TMCC3: variants seen among roughly 807,000 people sequenced by gnomAD.
The protein encoded by TMCC3 is transmembrane and coiled-coil domain protein 3.
A neutral mutation model predicts 40.2 loss-of-function variants in TMCC3; 28 were observed. The ratio of observed to expected loss-of-function variants is 0.70; its 90% CI spans 0.52 to 0.95. TMCC3 has a LOEUF of 0.95. Ranked by LOEUF, TMCC3 falls within the 40% of genes least tolerant of loss-of-function variation. The probability of loss-of-function intolerance (pLI) is 0.00; values close to 1 mark genes in which losing one functional copy is unlikely to be tolerated. For synonymous variants in TMCC3, 255 were observed against 248.5 expected (o/e 1.03, Z -0.25); for missense variants, 554 against 615.2 (o/e 0.90, Z 1.05).
rs562457757 is a variant in TMCC3 at position 94,616,441 on chromosome 12, G to A, written c.79-33903C>T. 2.6e-5 allele frequency: 4 copies of A among 152,740 alleles called. No individual in the cohort carries two copies. The South Asian group carries it at 6.2e-4, about 24-fold the overall frequency. The allele number at this position is 152,740 out of a possible 1,614,324, so 9.5% of individuals were successfully genotyped here. ...GCAAAGGGGCCAGCCAGCACCAAGG[G>A]AAGGGAAGTGGCTTAAAGACAGTGA... On this transcript the variant is annotated intron_variant, in intron 1 of 3. Coordinates refer to ENST00000261226, the MANE Select transcript of TMCC3 (RefSeq NM_020698.4).
At chr12:94,648,354 G>A (rs566033543) in intron 1 of TMCC3, among the ~76,000 whole-genome samples, 14 of 152,192 alleles carry the variant, frequency 9.2e-5, no homozygotes, top group African/African-American at 3.1e-4. Context: ...ACCCTCCCGA[G>A]TAGCTGGGAT....
rs191888582 is a variant in TMCC3 at position 94,635,073 on chromosome 12, G to A, written c.78+15280C>T. On this transcript the variant is annotated intron_variant, in intron 1 of 3. Transcript: ENST00000261226. ...GGACCGTTCAATAATTAACACAAGCGCATCTAGTGATATTTAGGAAGGCAC... is the reference window on the plus strand; with the variant it reads ...GGACCGTTCAATAATTAACACAAGCACATCTAGTGATATTTAGGAAGGCAC... 5.2e-3 allele frequency among the ~76,000 whole-genome samples: 792 copies of A among 152,224 alleles called. 8 individuals carry two copies. The highest frequency in any genetic ancestry group is 9.6e-3 in the Non-Finnish European group (650 of 68,020).
intron 1 of TMCC3, among the ~76,000 whole-genome samples, chr12:94,592,673 A>AC (rs2068685720): frequency 6.8e-6 from 1 of 147,250 alleles, no homozygotes; most frequent in African/African-American, 2.5e-5. Flanking sequence ...AAAAAAAAAA[A>AC]AAAAAAAAAA....
intron 1 of TMCC3, chr12:94,613,775 T>A (rs895886099): frequency 1.3e-5 from 2 of 152,080 alleles, no homozygotes; most frequent in Non-Finnish European, 2.9e-5. Flanking sequence ...TTGTATGATA[T>A]TAGTTTACAA....
chr12:94,573,329 C>T (rs2068544669), intron 3 of TMCC3, among the ~76,000 whole-genome samples: 1 of 152,212 alleles, frequency 6.6e-6, no homozygotes, highest in Non-Finnish European at 1.5e-5. Context: ...GATCTCCTGC[C>T]TGCAATAACC....
At chr12:94,625,865 C>T (rs73375894) in intron 1 of TMCC3, among the ~76,000 whole-genome samples, 3,540 of 152,148 alleles carry the variant, frequency 0.023, 119 homozygotes, top group African/African-American at 0.079. Context: ...GTATTTTGTA[C>T]GCATTTGTTT....
rs1400503813 is a variant in TMCC3, at chr12:94,650,215, G to T, written c.78+138C>A. On this transcript the variant is annotated intron_variant, in intron 1 of 3. Transcript: ENST00000261226. ...CCACCCTTTTAGCTCGGAGGATCGG[G>T]GAGGCACGGACCTCCGGCGGCAGCG... 6 of 401,374 alleles carry T rather than the reference G, an allele frequency of 1.5e-5. No individual in the cohort carries two copies. The East Asian group carries it at 2.3e-4, about 16-fold the overall frequency. The allele number at this position is 401,374 out of a possible 1,614,324, so 24.9% of individuals were successfully genotyped here. A position where few individuals can be genotyped will look rare whatever the true frequency, so the allele number is the denominator to read the frequency against.
intron 3 of TMCC3, among the ~76,000 whole-genome samples, chr12:94,572,306 CTTTTTTTTTT>C (rs527894810): frequency 3.4e-4 from 17 of 50,662 alleles, no homozygotes; most frequent in African/African-American, 1.3e-3. Context: ...CCGACTTCAT[CTTTTTTTTTT>C]TTTTTTTTTT....
intron 1 of TMCC3, among the ~76,000 whole-genome samples, chr12:94,594,210 T>C (rs949233649): frequency 5.3e-5 from 6 of 113,534 alleles, no homozygotes; most frequent in Admixed American, 2.9e-4. Context: ...TATATATATA[T>C]ATATATACAC....
At chr12:94,630,328 T>A (rs2068926350) in intron 1 of TMCC3, among the ~76,000 whole-genome samples, 1 of 151,988 alleles carries the variant, frequency 6.6e-6, no homozygotes, top group African/African-American at 2.4e-5. Context: ...CATCATCCCA[T>A]GACCTGACCT....
intron 1 of TMCC3, chr12:94,616,065 T>A: frequency 1.0e-6 from 1 of 985,432 alleles, no homozygotes; most frequent in Non-Finnish European, 1.2e-6. Context: ...ACTTTGGAGA[T>A]ACTGCTCACA....
In TMCC3 at chr12:94,650,492, T is replaced by C. The variant is rs1274524; in HGVS notation, c.-62A>G. 0.36 allele frequency: 430,684 copies of C among 1,198,082 alleles called. 78,443 individuals carry two copies. Among genetic ancestry groups the C allele is most frequent in the Non-Finnish European group, 0.36 (348,185 of 957,664 alleles). The allele number at this position is 1,198,082 out of a possible 1,614,324, so 74.2% of individuals were successfully genotyped here. On this transcript the variant is annotated 5_prime_UTR_variant, in exon 1 of 4. Coordinates refer to ENST00000261226, the MANE Select transcript of TMCC3 (RefSeq NM_020698.4). ...GGCTGCCGCGCCGCGAGCCACCGGC[T>C]GTGCTCGGGATCACCCTGGGAGCCG...
chr12:94,647,758 A>G (rs2069028021), intron 1 of TMCC3, among the ~76,000 whole-genome samples: 1 of 152,256 alleles, frequency 6.6e-6, no homozygotes, highest in African/African-American at 2.4e-5. Flanking sequence ...TCCACAATAC[A>G]GGAGCTACGA....
At position 94,650,485 on chromosome 12, in the gene TMCC3, C is replaced by A; in HGVS notation, c.-55G>T. 1 of 1,221,376 alleles carries A rather than the reference C, an allele frequency of 8.2e-7. No homozygotes were observed. Among genetic ancestry groups the A allele is most frequent in the South Asian group, 3.1e-5 (1 of 32,504 alleles). The allele number at this position is 1,221,376 out of a possible 1,614,324, so 75.7% of individuals were successfully genotyped here. Reference sequence around the variant, plus strand: ...CTTCTGGGGCTGCCGCGCCGCGAGCCACCGGCTGTGCTCGGGATCACCCTG... The same window carrying A: ...CTTCTGGGGCTGCCGCGCCGCGAGCAACCGGCTGTGCTCGGGATCACCCTG... On this transcript the variant is annotated 5_prime_UTR_variant, in exon 1 of 4. Transcript: ENST00000261226.
At chr12:94,613,144 G>A (rs2068826488) in intron 1 of TMCC3, among the ~76,000 whole-genome samples, 1 of 151,842 alleles carries the variant, frequency 6.6e-6, no homozygotes. Flanking sequence ...TATTTGTACA[G>A]TGGAATGAAA....
intron 1 of TMCC3, among the ~76,000 whole-genome samples, chr12:94,611,880 G>A (rs186472148): frequency 1.2e-3 from 184 of 152,276 alleles, no homozygotes; most frequent in African/African-American, 4.3e-3. Context: ...GATGTGGAGG[G>A]CCAACTGTAT....
intron 1 of TMCC3, among the ~76,000 whole-genome samples, chr12:94,597,120 A>AAAAAAAAAAAAAAATATATATATAT (rs2068719307): frequency 3.6e-4 from 2 of 5,486 alleles, no homozygotes; most frequent in African/African-American, 8.9e-4. Flanking sequence ...TCTCTATTAA[A>AAAAAAAAAAAAAAATATATATATAT]ATACATATAT....
chr12:94,650,290 GCCCCAGCCCGCCTCGC>G (rs542766791), intron 1 of TMCC3, 47 bp downstream of exon 1: 5 of 1,083,888 alleles, frequency 4.6e-6, no homozygotes, highest in Middle Eastern at 3.6e-4. Context: ...CTGAGCCGCC[GCCCCAGCCCGCCTCGC>G]CCCCGGGCCC....
At chr12:94,610,070 T>C (rs984535676) in intron 1 of TMCC3, 1 of 152,098 alleles carries the variant, frequency 6.6e-6, no homozygotes, top group Middle Eastern at 3.2e-3. Context: ...GAAAAGAGTG[T>C]TTGGAAAGGC....
Sources: gnomAD v4.1 joint callset for allele counts (sites outside exome capture counted in the v4.1 genomes callset) on GRCh38, gnomAD v4.1.1 for gene constraint, MANE v1.5 for transcripts, NCBI Gene and HGNC (gene_info 2026-07-23, HGNC 2026-07-21) for gene names.